The following WASF3 variants were observed in gnomAD, a reference collection of about 807,000 sequenced individuals.
WASF3 encodes actin-binding protein WASF3.
A neutral mutation model predicts 46.6 loss-of-function variants in WASF3; 11 were observed. The observed-to-expected ratio is 0.24, with a 90% CI of 0.15 to 0.39. WASF3 has a LOEUF of 0.39. WASF3 is among the 10% of genes least tolerant of loss of function. The probability of loss-of-function intolerance (pLI) is 1.00; values close to 1 mark genes in which losing one functional copy is unlikely to be tolerated. For missense variants in WASF3, 576 were observed against 669.8 expected (o/e 0.86, Z 1.55); for synonymous variants, 242 against 259.7 (o/e 0.93, Z 0.65).
At chr13:26,640,062 T>C (rs1290761963) in intron 2 of WASF3, among the ~76,000 whole-genome samples, 1 of 152,062 alleles carries the variant, frequency 6.6e-6, no homozygotes, top group Admixed American at 6.6e-5. Context: ...GTGTGGGCTC[T>C]GGATTGGTTG....
chr13:26,577,233 C>T, intron 1 of WASF3: 1 of 733,878 alleles, frequency 1.4e-6, no homozygotes, highest in Non-Finnish European at 2.5e-6. Context: ...CAAAAAATGG[C>T]AGACAGTGAT....
intron 3 of WASF3, among the ~76,000 whole-genome samples, chr13:26,648,004 T>A (rs957715315): frequency 2.0e-4 from 30 of 152,304 alleles, no homozygotes; most frequent in African/African-American, 7.0e-4. Context: ...GAGATTATTA[T>A]ATTGATACAC....
chr13:26,652,586 T>G (rs1173842693), intron 3 of WASF3, among the ~76,000 whole-genome samples: 1 of 152,202 alleles, frequency 6.6e-6, no homozygotes, highest in Non-Finnish European at 1.5e-5. Context: ...CCGTGAAACA[T>G]ACACCAAAAC....
At chr13:26,610,645 A>T (rs1353278300) in intron 1 of WASF3, among the ~76,000 whole-genome samples, 1 of 152,172 alleles carries the variant, frequency 6.6e-6, no homozygotes, top group East Asian at 1.9e-4. Context: ...GCAAGGCCAG[A>T]GGTAGGAAGT....
At chr13:26,625,567 C>T (rs1881440929) in intron 2 of WASF3, among the ~76,000 whole-genome samples, 1 of 152,068 alleles carries the variant, frequency 6.6e-6, no homozygotes. Flanking sequence ...ATTCATCCTT[C>T]CTCCACTCTT....
chr13:26,672,095 A>C, intron 6 of WASF3, 106 bp downstream of exon 6: 1 of 864,310 alleles, frequency 1.2e-6, no homozygotes, highest in Non-Finnish European at 1.8e-6. Flanking sequence ...ATAGTGCTGA[A>C]GTTTTTTTAG....
Position 26,682,908 on chromosome 13 carries a change from C to G in WASF3, c.1285C>G (p.Arg429Gly). 3.1e-6 allele frequency: 5 copies of G among 1,610,828 alleles called. No homozygotes were observed. The highest frequency in any genetic ancestry group is 3.4e-6 in the Non-Finnish European group (4 of 1,179,994). ...MHGPPVAEAK[R>G]QEPAQPPISD... ...TGGCCCCCCAGTAGCTGAGGCGAAG[C>G]GGCAAGAGCCTGCACAGCCACCAAT... Residue 429 changes from arginine to glycine, a missense_variant, in exon 9 of 10, where the codon CGG (arginine) becomes GGG (glycine). Arg to Gly is a moderately radical substitution (Grantham distance 125). Transcript: ENST00000335327. The surrounding 1 kb of genome is among the most constrained non-coding windows in gnomAD (Gnocchi z 4.4).
intron 1 of WASF3, among the ~76,000 whole-genome samples, chr13:26,573,544 G>T (rs1879701650): frequency 6.6e-6 from 1 of 151,960 alleles, no homozygotes; most frequent in African/African-American, 2.4e-5. Flanking sequence ...TGATGTATAG[G>T]TTCTCATTAT....
At chr13:26,576,055 A>G (rs1368515064) in intron 1 of WASF3, among the ~76,000 whole-genome samples, 1 of 151,968 alleles carries the variant, frequency 6.6e-6, no homozygotes, top group African/African-American at 2.4e-5. Context: ...CCAGAGTTTG[A>G]TGTATATGTA....
chr13:26,595,340 T>C (rs1880428429), intron 1 of WASF3, among the ~76,000 whole-genome samples: 1 of 152,228 alleles, frequency 6.6e-6, no homozygotes, highest in African/African-American at 2.4e-5. Flanking sequence ...TATTAAACCT[T>C]TTATTTTTAT....
At chr13:26,602,151 C>T (rs1356831568) in intron 1 of WASF3, among the ~76,000 whole-genome samples, 3 of 152,170 alleles carry the variant, frequency 2.0e-5, no homozygotes, top group East Asian at 3.9e-4. Flanking sequence ...CAGAGCTTTT[C>T]GATGGTAGTT....
chr13:26,588,500 CCTTA>C (rs1276905170), intron 1 of WASF3, among the ~76,000 whole-genome samples: 1 of 152,154 alleles, frequency 6.6e-6, no homozygotes, highest in Admixed American at 6.5e-5. Flanking sequence ...AGAGATTAAA[CCTTA>C]CTTGTGTTTT....
rs1377852186 is a variant in WASF3, at chr13:26,682,951, ACCT to A, written c.1333_1335del (p.Leu445del). The A allele has an allele frequency of 6.2e-7, 1 of 1,606,126 alleles. No individual in the cohort carries two copies. Among genetic ancestry groups the A allele is most frequent in the Non-Finnish European group, 8.5e-7 (1 of 1,179,892 alleles). On this transcript the variant is annotated inframe_deletion, in exon 9 of 10. Transcript: ENST00000335327. This position sits in a 1 kb window ranked among gnomAD's most constrained non-coding sequence, Gnocchi z 4.4. Reference sequence around the variant, plus strand: ...CCACCAATCAGTGATGCTCGAAGCGACCTCCTCGCTGCTATTCGAATGGGTAAG... The same window carrying A: ...CCACCAATCAGTGATGCTCGAAGCGACCTCGCTGCTATTCGAATGGGTAAG...
At chr13:26,559,341 A>G (rs1264175892) in intron 1 of WASF3, among the ~76,000 whole-genome samples, 2 of 152,258 alleles carry the variant, frequency 1.3e-5, no homozygotes, top group Non-Finnish European at 1.5e-5. Context: ...TACATATAGA[A>G]ATTGTTCTTG....
the WASF3 span, among the ~76,000 whole-genome samples, chr13:26,545,388 C>T: frequency 6.6e-6 from 1 of 151,838 alleles, no homozygotes; most frequent in Non-Finnish European, 1.5e-5. Context: ...AATGTTATTT[C>T]TTTTCAATTT....
intron 2 of WASF3, among the ~76,000 whole-genome samples, chr13:26,632,673 G>T (rs2137263900): frequency 6.6e-6 from 1 of 152,316 alleles, no homozygotes; most frequent in Non-Finnish European, 1.5e-5. Context: ...GTATCACGAT[G>T]ATGCTGGCCC....
chr13:26,673,662 G>T (rs1012188490), intron 6 of WASF3, among the ~76,000 whole-genome samples: 1 of 152,194 alleles, frequency 6.6e-6, no homozygotes, highest in Non-Finnish European at 1.5e-5. Flanking sequence ...GGAAAAATTA[G>T]TTTAGAAAAT....
At position 26,626,759 on chromosome 13, in the gene WASF3, A is replaced by G. The variant is rs116793051; in HGVS notation, c.-11+13701A>G. Among the ~76,000 whole-genome samples the G allele has an allele frequency of 5.6e-3, 857 of 152,324 alleles. 10 individuals carry two copies. Among genetic ancestry groups the G allele is most frequent in the African/African-American group, 0.02 (816 of 41,584 alleles). On this transcript the variant is annotated intron_variant, in intron 2 of 9. Coordinates refer to ENST00000335327, the MANE Select transcript of WASF3 (RefSeq NM_006646.6). ...AGACTTTGGAACAAAGATTATTATT[A>G]GGGGTAAATGGGACATTACATAATG...
chr13:26,564,521 T>G (rs921811112), intron 1 of WASF3, among the ~76,000 whole-genome samples: 1 of 152,226 alleles, frequency 6.6e-6, no homozygotes, highest in African/African-American at 2.4e-5. Flanking sequence ...AAGATTTTAT[T>G]AGCTTGCTGC....
Sources: gnomAD v4.1 joint callset for allele counts (sites outside exome capture counted in the v4.1 genomes callset) on GRCh38, gnomAD v4.1.1 for gene constraint, Gnocchi (gnomAD v3.1) non-coding constraint, MANE v1.5 for transcripts, NCBI Gene and HGNC (gene_info 2026-07-23, HGNC 2026-07-21) for gene names.